The following PATJ variants were observed in gnomAD, a reference collection of about 807,000 sequenced individuals.
PATJ encodes the protein PATJ crumbs cell polarity complex component, also known as inaD-like protein.
A neutral mutation model predicts 224.9 loss-of-function variants in PATJ; 190 were observed. The ratio of observed to expected loss-of-function variants is 0.84; its 90% CI spans 0.75 to 0.95. The LOEUF (loss-of-function observed/expected upper bound fraction) is 0.95. PATJ is among the 40% of genes least tolerant of loss of function. The pLI is 0.00. For synonymous variants in PATJ, 769 were observed against 820.3 expected, an observed-to-expected ratio of 0.94 and a Z score of 1.07; for missense variants, 2,121 against 2,270.3, an observed-to-expected ratio of 0.93 and a Z score of 1.34.
intron 20 of PATJ, 151 bp from the exon 21 acceptor site, chr1:61,875,092 G>A (rs1440000791): frequency 2.3e-6 from 1 of 442,518 alleles, no homozygotes; most frequent in Non-Finnish European, 4.1e-6. Flanking sequence ...ACCAGCATTT[G>A]TTACTGCTTA....
chr1:62,013,797 A>ATC (rs1270063772), intron 28 of PATJ, among the ~76,000 whole-genome samples: 2 of 152,122 alleles, frequency 1.3e-5, no homozygotes, highest in Non-Finnish European at 2.9e-5. Flanking sequence ...TTTTTGAGAC[A>ATC]GAGTCTTGCT....
At chr1:62,144,030 T>G (rs1000395052) in intron 41 of PATJ, among the ~76,000 whole-genome samples, 1 of 152,170 alleles carries the variant, frequency 6.6e-6, no homozygotes, top group Non-Finnish European at 1.5e-5. Flanking sequence ...CATGGACAAG[T>G]TAACCTTCCA....
chr1:61,805,444 C>G lies in PATJ; in HGVS notation c.1550-4C>G. On this transcript the variant is annotated splice_region_variant and splice_polypyrimidine_tract_variant and intron_variant, in intron 12 of 43. Transcript: ENST00000642238. ...CGCTCTCTCTCTTTTTTTTTAATAT[C>G]CAGAAAAAGTCCCAGACTCTCCAGA... The G allele has an allele frequency of 6.3e-7, 1 of 1,581,936 alleles. No homozygotes were observed. The highest frequency in any genetic ancestry group is 8.7e-7 in the Non-Finnish European group (1 of 1,153,826).
rs776500381 is a variant in PATJ at position 62,084,598 on chromosome 1, G to C, written c.4327G>C (p.Gly1443Arg). The C allele has an allele frequency of 6.2e-7, 1 of 1,613,184 alleles. No homozygotes were observed. Among genetic ancestry groups the C allele is most frequent in the Admixed American group, 1.7e-5 (1 of 59,894 alleles). Residue 1443 changes from glycine to arginine, a missense_variant, in exon 33 of 44, where the codon GGA becomes CGA. By Grantham distance (125) the Gly-to-Arg change is moderately radical. Coordinates refer to ENST00000642238, the MANE Select transcript of PATJ (RefSeq NM_001350145.3). Reference sequence around the variant, plus strand: ...GGAAATGATTATAGAAATATCCAAGGGACGTTCAGGGCTTGGTCTCAGCAT... The same window carrying C: ...GGAAATGATTATAGAAATATCCAAGCGACGTTCAGGGCTTGGTCTCAGCAT... ...GQEMIIEISK[G>R]RSGLGLSIVG...
chr1:62,159,457 G>A (rs1356281847), intron 43 of PATJ, among the ~76,000 whole-genome samples: 2 of 152,128 alleles, frequency 1.3e-5, no homozygotes, highest in Non-Finnish European at 2.9e-5. Context: ...CACCCAAAGT[G>A]CTGGGATTAC....
intron 29 of PATJ, among the ~76,000 whole-genome samples, chr1:62,034,442 CAAAA>C (rs58542108): frequency 7.0e-5 from 7 of 100,216 alleles, no homozygotes; most frequent in Admixed American, 1.1e-4. Context: ...GACTCTGTCT[CAAAA>C]AAAAAAAAAA....
At chr1:61,825,769 C>G (rs1658142500) in intron 15 of PATJ, among the ~76,000 whole-genome samples, 1 of 152,130 alleles carries the variant, frequency 6.6e-6, no homozygotes, top group African/African-American at 2.4e-5. Flanking sequence ...TTTAAAGGCA[C>G]TCCAAGATAA....
Position 61,771,551 on chromosome 1 carries a change from G to T in PATJ, c.645G>T (p.Leu215=), listed in dbSNP as rs1420578725. 4 of 1,613,466 alleles carry T rather than the reference G, an allele frequency of 2.5e-6. No individual in the cohort carries two copies. Among genetic ancestry groups the T allele is most frequent in the Non-Finnish European group, 3.4e-6 (4 of 1,179,728 alleles). The change falls in exon 6 of 44, where the codon CTG becomes CTT. Residue 215 remains leucine (L), a synonymous_variant. Transcript: ENST00000642238. The part of the protein sequence containing the change: ...LLQQTTGSLR[L]IVAREPVHTK... ...AACAAACCACTGGATCTTTGAGACTGATTGTGGCCAGGGAACCAGTCCACA... is the reference window on the plus strand; with the variant it reads ...AACAAACCACTGGATCTTTGAGACTTATTGTGGCCAGGGAACCAGTCCACA...
At chr1:62,044,652 T>C (rs1215163495) in intron 30 of PATJ, among the ~76,000 whole-genome samples, 3 of 152,340 alleles carry the variant, frequency 2.0e-5, no homozygotes, top group Admixed American at 2.0e-4. Context: ...TTTAAAGTAC[T>C]AACTGAGATG....
chr1:61,802,075 C>A (rs1365171705), intron 12 of PATJ, among the ~76,000 whole-genome samples: 2 of 151,982 alleles, frequency 1.3e-5, no homozygotes, highest in Non-Finnish European at 2.9e-5. Context: ...TCCTAATGTT[C>A]TCCCTCACCA....
chr1:62,006,303 A>G (rs1646093069), intron 28 of PATJ, among the ~76,000 whole-genome samples: 1 of 152,122 alleles, frequency 6.6e-6, no homozygotes, highest in African/African-American at 2.4e-5. Context: ...TTTAGTAGAG[A>G]CAGGGTTTCA....
rs1553280095 is a variant in PATJ at position 62,144,777 on chromosome 1, A to AATATATATAT, written c.5272-3497_5272-3488dup. Among the ~76,000 whole-genome samples the AATATATATAT allele has an allele frequency of 8.8e-3, 1,044 of 119,028 alleles. 29 individuals are homozygous for AATATATATAT. The highest frequency in any genetic ancestry group is 0.032 in the African/African-American group (928 of 29,248). The allele number at this position is 119,028 out of a possible 152,430, so 78.1% of individuals were successfully genotyped here. A position where few individuals can be genotyped will look rare whatever the true frequency, so the allele number is the denominator to read the frequency against. On this transcript the variant is annotated intron_variant, in intron 41 of 43. Coordinates refer to ENST00000642238, the MANE Select transcript of PATJ (RefSeq NM_001350145.3). ...TAGAATGTTATTTGCAAAAAAAAAAAATATATATATATATATATAATTAGC... is the reference window on the plus strand; with the variant it reads ...TAGAATGTTATTTGCAAAAAAAAAAAATATATATATATATATATATATATATATAATTAGC...
At chr1:62,110,430 C>G (rs982729180) in intron 34 of PATJ, among the ~76,000 whole-genome samples, 1 of 152,150 alleles carries the variant, frequency 6.6e-6, no homozygotes. Context: ...CCAAACAATG[C>G]CCTTTGCACT....
intron 28 of PATJ, among the ~76,000 whole-genome samples, chr1:61,993,681 C>G (rs1645193612): frequency 6.6e-6 from 1 of 152,018 alleles, no homozygotes; most frequent in South Asian, 2.1e-4. Context: ...ACCTAGCACC[C>G]CTGTTGCTCA....
intron 28 of PATJ, among the ~76,000 whole-genome samples, chr1:62,001,144 G>C (rs1407858088): frequency 6.0e-5 from 9 of 151,088 alleles, no homozygotes; most frequent in Admixed American, 5.9e-4. Context: ...TAGGTTGCCT[G>C]TTCACTCTGA....
intron 21 of PATJ, among the ~76,000 whole-genome samples, chr1:61,880,871 A>G (rs1667993428): frequency 6.6e-6 from 1 of 152,232 alleles, no homozygotes; most frequent in Admixed American, 6.5e-5. Flanking sequence ...AGGCGGGCAG[A>G]TCACTTGAGG....
At chr1:62,064,859 A>T (rs780476566) in intron 31 of PATJ, among the ~76,000 whole-genome samples, 1 of 152,340 alleles carries the variant, frequency 6.6e-6, no homozygotes, top group Non-Finnish European at 1.5e-5. Context: ...AGCAAATGTC[A>T]CTGTGCAAAC....
intron 22 of PATJ, among the ~76,000 whole-genome samples, chr1:61,884,649 A>G (rs1668577096): frequency 1.3e-5 from 2 of 151,992 alleles, no homozygotes; most frequent in Non-Finnish European, 2.9e-5. Context: ...CTGCTTAGAG[A>G]ATGGGAGGTT....
chr1:61,782,958 G>T (rs1465264090), intron 7 of PATJ, among the ~76,000 whole-genome samples: 1 of 152,190 alleles, frequency 6.6e-6, no homozygotes, highest in Non-Finnish European at 1.5e-5. Context: ...TTTAAAGGTT[G>T]TCATAAATGA....
Sources: gnomAD v4.1 joint callset for allele counts (sites outside exome capture counted in the v4.1 genomes callset) on GRCh38, gnomAD v4.1.1 for gene constraint, MANE v1.5 for transcripts, NCBI Gene and HGNC (gene_info 2026-07-23, HGNC 2026-07-21) for gene names.